Variants in IL17B observed in about 807,000 individuals in gnomAD.
The protein encoded by IL17B is interleukin-17B.
A neutral mutation model predicts 14.7 loss-of-function variants in IL17B; 14 were observed. The observed-to-expected ratio is 0.95, with a 90% confidence interval of 0.63 to 1.49. IL17B has a LOEUF of 1.49. Among genes scored for constraint, IL17B ranks in the 40% most tolerant of loss-of-function variants. The pLI is 0.00. For missense variants in IL17B, 233 were observed against 252.8 expected (o/e 0.92, Z 0.53); for synonymous variants, 105 against 94.8 (o/e 1.11, Z -0.62).
chr5:149,381,938 C>A (rs1293070564), upstream of IL17B, among the ~76,000 whole-genome samples: 1 of 152,148 alleles, frequency 6.6e-6, no homozygotes, highest in East Asian at 1.9e-4. Flanking sequence ...AGAGGGTGGT[C>A]AGCATGCGTG....
intron 1 of IL17B, among the ~76,000 whole-genome samples, chr5:149,401,043 A>G (rs761365685): frequency 3.9e-5 from 6 of 152,258 alleles, no homozygotes; most frequent in Non-Finnish European, 7.3e-5. Flanking sequence ...GCAATGCTTT[A>G]CCAGCTATCT....
Position 149,374,701 on chromosome 5 carries a change from T to G in IL17B, c.312-101A>C. 1 of 856,228 alleles carries G rather than the reference T, an allele frequency of 1.2e-6. No homozygotes were observed. The highest frequency in any genetic ancestry group is 1.8e-6 in the Non-Finnish European group (1 of 556,474). 53.0% of individuals were successfully genotyped at this position (856,228 alleles called of 1,614,324 possible). On this transcript the variant is annotated intron_variant, in intron 2 of 2. Transcript: ENST00000261796. This position sits in a 1 kb window ranked among gnomAD's most constrained non-coding sequence, Gnocchi z 5.0. The stretch of plus-strand genomic sequence containing the variant: ...TGCCTTTCCTAATCAGAGTTTTAAT[T>G]TCCACAGCAAGACTGTGTTGGGCTG...
intron 1 of IL17B, among the ~76,000 whole-genome samples, chr5:149,400,853 T>A (rs547664992): frequency 6.6e-6 from 1 of 152,256 alleles, no homozygotes; most frequent in South Asian, 2.1e-4. Flanking sequence ...GGAGCTCTGA[T>A]GTCTGAAGCC....
rs139823681 is a variant in IL17B at position 149,399,977 on chromosome 5, C to T, written n.95+4131G>A. Among the ~76,000 whole-genome samples, 683 of 152,278 alleles carry T rather than the reference C, an allele frequency of 4.5e-3. 1 individual carries two copies. Among genetic ancestry groups the T allele is most frequent in the Non-Finnish European group, 7.0e-3 (479 of 68,006 alleles). ...GTTCTGGAGGGAGGTTACCTTCCTGCTTCTTCACAGTAGCTACTGGCAAGC... is the reference window on the plus strand; with the variant it reads ...GTTCTGGAGGGAGGTTACCTTCCTGTTTCTTCACAGTAGCTACTGGCAAGC... On this transcript the variant is annotated intron_variant and non_coding_transcript_variant, in intron 1 of 2. Transcript: ENST00000505432.
chr5:149,397,707 T>C (rs1581397124), intron 1 of IL17B, among the ~76,000 whole-genome samples: 1 of 152,164 alleles, frequency 6.6e-6, no homozygotes, highest in Non-Finnish European at 1.5e-5. Context: ...TTGACTCACA[T>C]GATTACAGTG....
chr5:149,379,106 T>G, intron 1 of IL17B, 99 bp downstream of exon 1: 1 of 1,478,850 alleles, frequency 6.8e-7, no homozygotes, highest in East Asian at 2.3e-5. Flanking sequence ...CTGCAGATTC[T>G]AAACCAAACA....
chr5:149,401,563 G>A (rs1006989459), intron 1 of IL17B, among the ~76,000 whole-genome samples: 2 of 152,094 alleles, frequency 1.3e-5, no homozygotes, highest in Admixed American at 6.5e-5. Flanking sequence ...AACTAGCCGG[G>A]TGTGGCAGCA....
chr5:149,403,696 G>T (rs1049049548), intron 1 of IL17B, among the ~76,000 whole-genome samples: 1 of 152,088 alleles, frequency 6.6e-6, no homozygotes, highest in Non-Finnish European at 1.5e-5. Context: ...CAGAAAGGGT[G>T]AAGTGAAGCC....
At chr5:149,402,155 G>A (rs968709352) in intron 1 of IL17B, among the ~76,000 whole-genome samples, 2 of 152,192 alleles carry the variant, frequency 1.3e-5, no homozygotes, top group African/African-American at 4.8e-5. Flanking sequence ...GACCCATGTG[G>A]TCTTGTATCA....
At chr5:149,390,708 A>C (rs1416888638) in intron 1 of IL17B, among the ~76,000 whole-genome samples, 1 of 151,822 alleles carries the variant, frequency 6.6e-6, no homozygotes, top group African/African-American at 2.4e-5. Context: ...TGATTTCCAA[A>C]GTAGGGTGTC....
chr5:149,376,495 A>G (rs1758539395), intron 2 of IL17B, among the ~76,000 whole-genome samples: 1 of 152,230 alleles, frequency 6.6e-6, no homozygotes, highest in Non-Finnish European at 1.5e-5. Context: ...AGTGCTCTGC[A>G]TGGATATCTC....
chr5:149,397,726 G>A (rs574350047), intron 1 of IL17B, among the ~76,000 whole-genome samples: 87 of 152,316 alleles, frequency 5.7e-4, no homozygotes, highest in African/African-American at 2.0e-3. Flanking sequence ...TGGCTGAGAA[G>A]TCTTGCAACA....
chr5:149,386,693 G>A (rs1398961038), intron 1 of IL17B, among the ~76,000 whole-genome samples: 2 of 152,188 alleles, frequency 1.3e-5, no homozygotes, highest in Non-Finnish European at 2.9e-5. Flanking sequence ...CACCTACTAT[G>A]TGCCAGGCAC....
In IL17B at chr5:149,376,785, A is replaced by G. The variant is rs767187969; in HGVS notation, c.262T>C (p.Leu88=). 1.2e-6 allele frequency: 2 copies of G among 1,613,754 alleles called. No individual in the cohort carries two copies. The highest frequency in any genetic ancestry group is 1.7e-6 in the Non-Finnish European group (2 of 1,179,850). ...ELAQRKCEVN[L]QLWMSNKRSL... ...CTCTTGTTGGACATCCACAGCTGCA[A>G]GTTGACCTCACACTTTCTCTGGGCC... The change falls in exon 2 of 3, where the codon TTG becomes CTG. Residue 88 remains leucine (L), a synonymous_variant. Coordinates refer to ENST00000261796, the MANE Select transcript of IL17B (RefSeq NM_014443.3).
At chr5:149,384,045 C>A (rs567287880), upstream of IL17B, among the ~76,000 whole-genome samples, 7 of 152,362 alleles carry the variant, frequency 4.6e-5, no homozygotes, top group African/African-American at 1.7e-4. Context: ...CAGCCCTTAG[C>A]AAAGCGGGAA....
intron 1 of IL17B, 71 bp from the exon 2 acceptor site, chr5:149,377,096 G>A: frequency 7.4e-7 from 1 of 1,350,148 alleles, no homozygotes; most frequent in Non-Finnish European, 1.0e-6. Flanking sequence ...TGGGGTCCAT[G>A]GTCCTTTCCC....
intron 1 of IL17B, among the ~76,000 whole-genome samples, chr5:149,392,973 CGTGCGTGTGTGT>C (rs141304868): frequency 4.3e-4 from 58 of 136,130 alleles, no homozygotes; most frequent in South Asian, 3.1e-3. Flanking sequence ...TGTGTGCGCG[CGTGCGTGTGTGT>C]GTGCGTGTGT....
intron 1 of IL17B, among the ~76,000 whole-genome samples, chr5:149,377,611 C>A (rs1400457021): frequency 6.6e-6 from 1 of 152,162 alleles, no homozygotes; most frequent in East Asian, 1.9e-4. Context: ...AGACAGTGAA[C>A]AAGAAGACAA....
At chr5:149,391,200 A>G (rs1298041865) in intron 1 of IL17B, among the ~76,000 whole-genome samples, 1 of 152,218 alleles carries the variant, frequency 6.6e-6, no homozygotes, top group African/African-American at 2.4e-5. Flanking sequence ...TCCTGACCTC[A>G]GGTGATCTGC....
Sources: gnomAD v4.1 joint callset for allele counts (sites outside exome capture counted in the v4.1 genomes callset) on GRCh38, gnomAD v4.1.1 for gene constraint, Gnocchi (gnomAD v3.1) non-coding constraint, MANE v1.5 for transcripts, NCBI Gene and HGNC (gene_info 2026-07-23, HGNC 2026-07-21) for gene names.